Variants in CSMD1 observed in about 807,000 individuals in gnomAD.
CSMD1 encodes CUB and Sushi multiple domains 1, also known as CUB and sushi domain-containing protein 1.
In CSMD1, 213 loss-of-function variants were observed where a neutral mutation model predicts 417.5. That is an observed-to-expected ratio of 0.51 (90% confidence interval 0.46 to 0.57). The LOEUF is 0.57. CSMD1 is among the 20% of genes least tolerant of loss of function. CSMD1 has a pLI of 0.00. For synonymous variants in CSMD1, 2,862 were observed against 1,736.8 expected (o/e 1.65, Z -16.11); for missense variants, 6,923 against 4,529.7 (o/e 1.53, Z -15.17).
intron 1 of CSMD1, among the ~76,000 whole-genome samples, chr8:4,815,189 G>C (rs967417293): frequency 1.3e-5 from 2 of 152,040 alleles, no homozygotes; most frequent in African/African-American, 4.8e-5. Flanking sequence ...CAATAGATTT[G>C]AACATGTTAG....
intron 5 of CSMD1, among the ~76,000 whole-genome samples, chr8:3,942,306 C>G (rs1315329798): frequency 6.6e-6 from 1 of 152,158 alleles, no homozygotes; most frequent in African/African-American, 2.4e-5. Context: ...AATCCCTCCT[C>G]TTCCAGTGGA....
At chr8:4,559,759 T>G (rs559667849) in intron 2 of CSMD1, among the ~76,000 whole-genome samples, 1 of 152,382 alleles carries the variant, frequency 6.6e-6, no homozygotes, top group South Asian at 2.1e-4. Flanking sequence ...AGTGAGTCAG[T>G]TGTTATCAGT....
Position 3,373,626 on chromosome 8 carries a change from T to C in CSMD1, c.2783-4256A>G, listed in dbSNP as rs867959043. ...TACAGGTGAGGGCTGTATTCATATG[T>C]AGACATGTCTACATTCCCTTAGCAG... On this transcript the variant is annotated intron_variant, in intron 18 of 69. Coordinates refer to ENST00000635120, the MANE Select transcript of CSMD1 (RefSeq NM_033225.6). 2.0e-5 allele frequency: 3 copies of C among 152,336 alleles called. No homozygotes were observed. The South Asian group carries it at 6.2e-4, about 32-fold the overall frequency. The allele number at this position is 152,336 out of a possible 1,614,324, so 9.4% of individuals were successfully genotyped here. A position where few individuals can be genotyped will look rare whatever the true frequency, so the allele number is the denominator to read the frequency against.
At chr8:4,357,152 C>G (rs967198422) in intron 3 of CSMD1, among the ~76,000 whole-genome samples, 4 of 152,140 alleles carry the variant, frequency 2.6e-5, no homozygotes, top group African/African-American at 9.7e-5. Context: ...TATATGATCT[C>G]AAATAAAATA....
intron 1 of CSMD1, among the ~76,000 whole-genome samples, chr8:4,963,848 T>C (rs957441084): frequency 9.2e-5 from 14 of 152,172 alleles, no homozygotes; most frequent in Non-Finnish European, 1.8e-4. Flanking sequence ...CACCCAATCA[T>C]ACTAGCCTAA....
Position 3,308,917 on chromosome 8 carries a change from G to A in CSMD1, c.3632-414C>T, listed in dbSNP as rs567012121. The stretch of plus-strand genomic sequence containing the variant: ...TTTTTGTATTTTTAGTAGAGACGGG[G>A]TTTCACTATGTTGGCCAGGCTGGTC... On this transcript the variant is annotated intron_variant, in intron 23 of 69. Transcript: ENST00000635120. 2.0e-5 allele frequency among the ~76,000 whole-genome samples: 3 copies of A among 152,048 alleles called. No homozygotes were observed. In the South Asian group the frequency reaches 6.2e-4, roughly 32 times the overall value.
At chr8:4,381,761 G>C (rs773148496) in intron 3 of CSMD1, among the ~76,000 whole-genome samples, 1 of 152,006 alleles carries the variant, frequency 6.6e-6, no homozygotes, top group Admixed American at 6.6e-5. Flanking sequence ...TTTTTGTTTT[G>C]TTTTTGTTTT....
At chr8:4,785,246 A>T (rs956244093) in intron 1 of CSMD1, among the ~76,000 whole-genome samples, 3 of 152,164 alleles carry the variant, frequency 2.0e-5, no homozygotes, top group African/African-American at 7.2e-5. Context: ...TAGAGCAGTC[A>T]TGAGGAGGTG....
At chr8:4,854,813 G>T (rs1424495942) in intron 1 of CSMD1, among the ~76,000 whole-genome samples, 1 of 152,154 alleles carries the variant, frequency 6.6e-6, no homozygotes, top group Middle Eastern at 3.2e-3. Context: ...AGATCAAACT[G>T]CAAGGCAGCA....
chr8:4,569,882 A>T (rs1798799982), intron 2 of CSMD1, among the ~76,000 whole-genome samples: 1 of 151,936 alleles, frequency 6.6e-6, no homozygotes, highest in Non-Finnish European at 1.5e-5. Context: ...GTATTCCTAG[A>T]TATTTTATTC....
chr8:3,511,204 G>C (rs535732411), intron 10 of CSMD1, among the ~76,000 whole-genome samples: 1 of 151,756 alleles, frequency 6.6e-6, no homozygotes, highest in East Asian at 1.9e-4. Flanking sequence ...CACAGGAAGG[G>C]GAATATCATA....
intron 3 of CSMD1, among the ~76,000 whole-genome samples, chr8:4,405,120 A>T (rs574282875): frequency 2.8e-4 from 42 of 152,352 alleles, no homozygotes; most frequent in African/African-American, 9.9e-4. Flanking sequence ...CTATTGCCTT[A>T]GCATTGGTTA....
intron 5 of CSMD1, among the ~76,000 whole-genome samples, chr8:3,983,545 C>A (rs9650478): frequency 1.3e-5 from 2 of 152,000 alleles, no homozygotes; most frequent in Non-Finnish European, 2.9e-5. Context: ...ATTTCAGTGC[C>A]GTGGAGAAGG....
intron 18 of CSMD1, among the ~76,000 whole-genome samples, chr8:3,384,417 A>G (rs1810838719): frequency 6.6e-6 from 1 of 151,620 alleles, no homozygotes; most frequent in Non-Finnish European, 1.5e-5. Flanking sequence ...AAGTTTCTGT[A>G]CAGACAAAGA....
At chr8:4,614,745 G>C (rs1801379987) in intron 2 of CSMD1, among the ~76,000 whole-genome samples, 1 of 152,120 alleles carries the variant, frequency 6.6e-6, no homozygotes, top group Non-Finnish European at 1.5e-5. Context: ...ACAGTGGAAA[G>C]ACTGTCACCT....
intron 1 of CSMD1, among the ~76,000 whole-genome samples, chr8:4,686,252 C>G (rs62484574): frequency 4.4e-3 from 674 of 152,338 alleles, no homozygotes; most frequent in Admixed American, 6.9e-3. Context: ...TCTTGCCAAG[C>G]ACGAGAGTGA....
chr8:4,920,846 GAAA>G (rs778335912), intron 1 of CSMD1, among the ~76,000 whole-genome samples: 48,300 of 62,050 alleles, frequency 0.78, 17,438 homozygotes, highest in East Asian at 0.93. Flanking sequence ...GAGAACGAAA[GAAA>G]AGAAAAGAAA....
chr8:4,075,215 T>C (rs1304115810), intron 3 of CSMD1, among the ~76,000 whole-genome samples: 1 of 152,184 alleles, frequency 6.6e-6, no homozygotes, highest in Non-Finnish European at 1.5e-5. Flanking sequence ...AATATTTCAT[T>C]CTAGTATGTG....
chr8:3,763,362 G>C (rs1039414153), intron 5 of CSMD1, among the ~76,000 whole-genome samples: 30 of 152,180 alleles, frequency 2.0e-4, no homozygotes, highest in African/African-American at 7.0e-4. Flanking sequence ...GAACCCTCAT[G>C]AATGAATGGC....
Sources: allele counts gnomAD v4.1 joint callset (sites outside exome capture counted in the v4.1 genomes callset), GRCh38; gene constraint gnomAD v4.1.1; transcripts MANE v1.5; gene names NCBI Gene and HGNC (gene_info 2026-07-23, HGNC 2026-07-21).